Variants in TAOK3 observed in about 807,000 individuals in gnomAD.
TAOK3 encodes the protein TAO kinase 3.
Under a neutral mutation model 120.4 loss-of-function variants are expected in TAOK3, and 40 were observed. That is an observed-to-expected ratio of 0.33 (90% CI 0.26 to 0.43). The LOEUF is 0.43. TAOK3 is among the 20% of genes least tolerant of loss of function. TAOK3 has a pLI of 1.00. For synonymous variants in TAOK3, 355 were observed against 387.5 expected (o/e 0.92, Z 0.99); for missense variants, 821 against 1,112.1 (o/e 0.74, Z 3.72).
chr12:118,352,929 C>T (rs562993219), intron 1 of TAOK3, among the ~76,000 whole-genome samples: 9 of 152,246 alleles, frequency 5.9e-5, no homozygotes, highest in East Asian at 3.9e-4. Context: ...AGGCTGGTCT[C>T]GAACTCCTGA....
intron 1 of TAOK3, among the ~76,000 whole-genome samples, chr12:118,280,153 C>A (rs2042049432): frequency 6.6e-6 from 1 of 151,740 alleles, no homozygotes; most frequent in Non-Finnish European, 1.5e-5. Flanking sequence ...CCTCCGCCTC[C>A]CGGGTTCAAG....
chr12:118,211,484 T>A (rs2139451652), intron 11 of TAOK3, among the ~76,000 whole-genome samples: 1 of 152,326 alleles, frequency 6.6e-6, no homozygotes, highest in African/African-American at 2.4e-5. Context: ...TTGCTTATAA[T>A]ATGATTTTTT....
chr12:118,189,656 C>T, intron 14 of TAOK3, 151 bp downstream of exon 14: 39 of 916,944 alleles, frequency 4.3e-5, no homozygotes, highest in Middle Eastern at 3.3e-4. Context: ...AGATTTTTTT[C>T]CTAAAATGAA....
chr12:118,317,694 A>G (rs1409208686), intron 1 of TAOK3, among the ~76,000 whole-genome samples: 5 of 152,164 alleles, frequency 3.3e-5, no homozygotes, highest in African/African-American at 1.2e-4. Flanking sequence ...TCCAAACAAT[A>G]TACAGATCCA....
intron 1 of TAOK3, among the ~76,000 whole-genome samples, chr12:118,279,767 TG>T (rs1487893544): frequency 1.3e-5 from 2 of 148,350 alleles, no homozygotes; most frequent in African/African-American, 2.5e-5. Context: ...TTTTTATTGT[TG>T]TTTTTTTTTT....
At chr12:118,244,360 G>A (rs1482035592) in intron 4 of TAOK3, among the ~76,000 whole-genome samples, 1 of 151,996 alleles carries the variant, frequency 6.6e-6, no homozygotes, top group Non-Finnish European at 1.5e-5. Flanking sequence ...ACCTCATCCA[G>A]CCTGCAAAAT....
intron 1 of TAOK3, among the ~76,000 whole-genome samples, chr12:118,343,821 G>A (rs2044734572): frequency 6.6e-6 from 1 of 151,910 alleles, no homozygotes; most frequent in Admixed American, 6.6e-5. Context: ...GACCATCCTG[G>A]CTAACATGGT....
chr12:118,247,943 T>A (rs532132380), intron 3 of TAOK3, among the ~76,000 whole-genome samples: 1 of 152,356 alleles, frequency 6.6e-6, no homozygotes, highest in African/African-American at 2.4e-5. Context: ...TTTGCTTCTG[T>A]CACATTATTA....
At chr12:118,173,926 C>G (rs2036164364) in intron 16 of TAOK3, among the ~76,000 whole-genome samples, 1 of 152,238 alleles carries the variant, frequency 6.6e-6, no homozygotes, top group African/African-American at 2.4e-5. Context: ...TGTAAATCAA[C>G]TTTCAACTAT....
At chr12:118,272,485 T>C (rs900982310) in intron 1 of TAOK3, among the ~76,000 whole-genome samples, 3 of 152,126 alleles carry the variant, frequency 2.0e-5, no homozygotes, top group Non-Finnish European at 4.4e-5. Flanking sequence ...GGCAGCACTA[T>C]CCTGGAGCCA....
chr12:118,360,980 G>C (rs1271091942), intron 1 of TAOK3, among the ~76,000 whole-genome samples: 1 of 152,176 alleles, frequency 6.6e-6, no homozygotes, highest in African/African-American at 2.4e-5. Flanking sequence ...CTCACTATGA[G>C]TCATCAGTGA....
At position 118,246,612 on chromosome 12, in the gene TAOK3, C is replaced by A. The variant is rs1379517278; in HGVS notation, c.121-1647G>T. The A allele has an allele frequency of 3.2e-6, 5 of 1,574,694 alleles. No homozygotes were observed. The African/African-American group carries it at 5.4e-5, about 17-fold the overall frequency. On this transcript the variant is annotated intron_variant, in intron 3 of 20. Transcript: ENST00000392533. ...CTACTGGGGGAACAAGATCGGCAAGCCCCACACTGTCCCTTGCAAGGTGAC... is the reference window on the plus strand; with the variant it reads ...CTACTGGGGGAACAAGATCGGCAAGACCCACACTGTCCCTTGCAAGGTGAC...
intron 13 of TAOK3, chr12:118,190,184 T>C (rs896961432): frequency 6.3e-6 from 3 of 478,944 alleles, no homozygotes; most frequent in Non-Finnish European, 1.1e-5. Flanking sequence ...TTTCTTTACC[T>C]CCAGAATTAC....
intron 1 of TAOK3, among the ~76,000 whole-genome samples, chr12:118,324,114 A>G (rs2140969845): frequency 6.6e-6 from 1 of 152,344 alleles, no homozygotes; most frequent in South Asian, 2.1e-4. Context: ...GTATATGTGT[A>G]AGAAAGCCAA....
intron 1 of TAOK3, among the ~76,000 whole-genome samples, chr12:118,357,232 G>C (rs560422303): frequency 1.1e-4 from 16 of 152,182 alleles, no homozygotes; most frequent in African/African-American, 3.9e-4. Flanking sequence ...GAACAATCTA[G>C]AACTATAAAC....
At position 118,372,736 on chromosome 12, in the gene TAOK3, T is replaced by G. The variant is rs116554134; in HGVS notation, c.-282A>C. 0.024 allele frequency: 3,754 copies of G among 153,842 alleles called. 170 individuals carry two copies. The highest frequency in any genetic ancestry group is 0.086 in the African/African-American group (3,553 of 41,526). The allele number at this position is 153,842 out of a possible 1,614,324, so 9.5% of individuals were successfully genotyped here. A position where few individuals can be genotyped will look rare whatever the true frequency, so the allele number is the denominator to read the frequency against. On this transcript the variant is annotated 5_prime_UTR_variant, in exon 1 of 21. Coordinates refer to ENST00000392533, the MANE Select transcript of TAOK3 (RefSeq NM_016281.4). The surrounding 1 kb of genome is among the most constrained non-coding windows in gnomAD (Gnocchi z 4.6). ...GTTCCTGAGTCGCTCTCCTGTGGCT[T>G]GTTCCCCGGCGGATCCTTGGGTCCG...
intron 12 of TAOK3, 60 bp from the exon 13 acceptor site, chr12:118,199,317 G>C: frequency 7.3e-7 from 1 of 1,363,414 alleles, no homozygotes. Flanking sequence ...TCAATCCATT[G>C]ACAAAAGTGT....
chr12:118,172,624 T>C lies in TAOK3; in HGVS notation c.1732A>G (p.Lys578Glu). ...TTATGTTTGGAGATCCGCTCTTGCT[T>C]CTCTTTCTTGGGTGTGCTATGGTCC... ...NEDHSTPKKE[K>E]QERISKHKEN... The change falls in exon 17 of 21, where the codon AAG becomes GAG. Residue 578 changes from lysine to glutamate, a missense_variant. By Grantham distance (56) the Lys-to-Glu change is moderately conservative. Coordinates refer to ENST00000392533, the MANE Select transcript of TAOK3 (RefSeq NM_016281.4). 1 of 1,614,138 alleles carries C rather than the reference T, an allele frequency of 6.2e-7. No individual in the cohort carries two copies. The highest frequency in any genetic ancestry group is 8.5e-7 in the Non-Finnish European group (1 of 1,180,014).
intron 1 of TAOK3, among the ~76,000 whole-genome samples, chr12:118,314,564 T>G (rs1390336333): frequency 6.6e-6 from 1 of 152,158 alleles, no homozygotes; most frequent in Non-Finnish European, 1.5e-5. Flanking sequence ...TGACTCTTAT[T>G]TCTCTTGAAA....
Sources: gnomAD v4.1 joint callset for allele counts (sites outside exome capture counted in the v4.1 genomes callset) on GRCh38, gnomAD v4.1.1 for gene constraint, Gnocchi (gnomAD v3.1) non-coding constraint, MANE v1.5 for transcripts, NCBI Gene and HGNC (gene_info 2026-07-23, HGNC 2026-07-21) for gene names.